Variants in TENM3 observed in about 807,000 individuals in gnomAD.
TENM3 encodes teneurin transmembrane protein 3.
A neutral mutation model predicts 255.1 loss-of-function variants in TENM3; 63 were observed. That is an observed-to-expected ratio of 0.25 (90% CI 0.20 to 0.30). TENM3 has a LOEUF of 0.30. TENM3 is among the 10% of genes least tolerant of loss of function. The pLI is 1.00. For synonymous variants in TENM3, 1,306 were observed against 1,322.3 expected (o/e 0.99, Z 0.27); for missense variants, 2,929 against 3,461.1 (o/e 0.85, Z 3.86).
At chr4:182,359,338 C>T (rs1399271598) in intron 3 of TENM3, among the ~76,000 whole-genome samples, 1 of 151,922 alleles carries the variant, frequency 6.6e-6, no homozygotes, top group East Asian at 1.9e-4. Flanking sequence ...GGCTGTGAAT[C>T]CATCTGGTCC....
rs1224871486 is a variant in TENM3, at chr4:182,799,153, C to T, written c.7345-443C>T. Among the ~76,000 whole-genome samples the T allele has an allele frequency of 6.6e-6, 1 of 152,132 alleles. No homozygotes were observed. Among genetic ancestry groups the T allele is most frequent in the African/African-American group, 2.4e-5 (1 of 41,424 alleles). ...GCATTTCAAAGCATACGAAGCGGGG[C>T]CCTGTGATCGGCACTAAGTATCCCC... On this transcript the variant is annotated intron_variant, in intron 27 of 27. Transcript: ENST00000511685. This position sits in a 1 kb window ranked among gnomAD's most constrained non-coding sequence, Gnocchi z 4.2.
intron 24 of TENM3, among the ~76,000 whole-genome samples, chr4:182,780,137 A>G (rs953063339): frequency 6.6e-6 from 1 of 152,142 alleles, no homozygotes; most frequent in Non-Finnish European, 1.5e-5. Flanking sequence ...GCGCATGCCT[A>G]TGTCCTGAAT....
At chr4:181,969,868 G>A in the TENM3 span, among the ~76,000 whole-genome samples, 18 of 152,254 alleles carry the variant, frequency 1.2e-4, 1 homozygote, top group East Asian at 1.7e-3. Flanking sequence ...ATTAAGAAAC[G>A]CAGTATTTAA....
the TENM3 span, among the ~76,000 whole-genome samples, chr4:181,823,763 AT>A: frequency 6.6e-6 from 1 of 152,308 alleles, no homozygotes; most frequent in South Asian, 2.1e-4. Flanking sequence ...GTAACAACAA[AT>A]TGAAATTATG....
At chr4:182,113,685 G>T in the TENM3 span, among the ~76,000 whole-genome samples, 2 of 152,122 alleles carry the variant, frequency 1.3e-5, no homozygotes, top group African/African-American at 4.8e-5. Flanking sequence ...ATGTGTGTGT[G>T]GTGGGAGAAG....
intron 24 of TENM3, among the ~76,000 whole-genome samples, chr4:182,786,670 C>G (rs1045814979): frequency 6.6e-6 from 1 of 152,006 alleles, no homozygotes; most frequent in Admixed American, 6.6e-5. Context: ...ATACTCCAAC[C>G]AGGGGAAATA....
At chr4:181,946,201 G>T in the TENM3 span, among the ~76,000 whole-genome samples, 24,478 of 151,972 alleles carry the variant, frequency 0.16, 2,439 homozygotes, top group African/African-American at 0.28. Flanking sequence ...GGAAGTAAAT[G>T]ACCAAGCCAC....
chr4:182,191,725 G>A (rs1308094838), intron 1 of TENM3, among the ~76,000 whole-genome samples: 1 of 152,094 alleles, frequency 6.6e-6, no homozygotes, highest in African/African-American at 2.4e-5. Context: ...AATACTCTTA[G>A]CATGTATCAG....
chr4:182,368,396 A>C (rs1190365911), intron 3 of TENM3, among the ~76,000 whole-genome samples: 1 of 152,220 alleles, frequency 6.6e-6, no homozygotes. Context: ...TGTCCTGACC[A>C]GTGGGCCCTT....
At chr4:182,096,859 A>G in the TENM3 span, among the ~76,000 whole-genome samples, 1 of 152,214 alleles carries the variant, frequency 6.6e-6, no homozygotes, top group African/African-American at 2.4e-5. Context: ...GCCCGAGTTC[A>G]TCAACCTAAT....
At chr4:182,514,417 G>T (rs914605267) in intron 3 of TENM3, among the ~76,000 whole-genome samples, 1 of 152,134 alleles carries the variant, frequency 6.6e-6, no homozygotes, top group African/African-American at 2.4e-5. Flanking sequence ...TAATAAATTC[G>T]ATTTGGAACC....
At chr4:182,656,930 A>G (rs1753805946) in intron 6 of TENM3, among the ~76,000 whole-genome samples, 1 of 152,184 alleles carries the variant, frequency 6.6e-6, no homozygotes, top group Admixed American at 6.5e-5. Flanking sequence ...TACAGATTTT[A>G]GAGATGAGTT....
At chr4:182,663,123 A>G (rs1295846514) in intron 6 of TENM3, among the ~76,000 whole-genome samples, 2 of 132,222 alleles carry the variant, frequency 1.5e-5, no homozygotes, top group African/African-American at 5.4e-5. Flanking sequence ...ACATTCTAAG[A>G]CTGTAATTCA....
At chr4:182,182,436 G>A (rs1219137988) in intron 1 of TENM3, among the ~76,000 whole-genome samples, 2 of 152,300 alleles carry the variant, frequency 1.3e-5, no homozygotes, top group East Asian at 3.9e-4. Context: ...GGATTTCTTG[G>A]TATCAGCAGA....
the TENM3 span, among the ~76,000 whole-genome samples, chr4:181,834,580 G>A: frequency 1.3e-5 from 2 of 152,178 alleles, no homozygotes; most frequent in Admixed American, 6.5e-5. Flanking sequence ...ACAAACTCAA[G>A]TTCCTGCCCT....
chr4:182,300,583 T>C (rs866406429), intron 1 of TENM3, among the ~76,000 whole-genome samples: 3 of 152,166 alleles, frequency 2.0e-5, no homozygotes, highest in Non-Finnish European at 4.4e-5. Flanking sequence ...GAGGTAGGGA[T>C]CCACTCCAGT....
the TENM3 span, among the ~76,000 whole-genome samples, chr4:181,634,206 G>T: frequency 6.6e-6 from 1 of 151,852 alleles, no homozygotes; most frequent in African/African-American, 2.4e-5. Flanking sequence ...CCCTTTTATC[G>T]TTCTTGGCCT....
At chr4:181,608,581 A>G in the TENM3 span, among the ~76,000 whole-genome samples, 3 of 141,352 alleles carry the variant, frequency 2.1e-5, no homozygotes, top group East Asian at 1.9e-4. Context: ...CTGGAAATTC[A>G]GGAAAATATT....
chr4:182,526,391 G>A (rs1739184797), intron 3 of TENM3, among the ~76,000 whole-genome samples: 1 of 152,002 alleles, frequency 6.6e-6, no homozygotes, highest in African/African-American at 2.4e-5. Flanking sequence ...CAGTAGTGCT[G>A]TACATAGTCT....
Sources: allele counts gnomAD v4.1 joint callset (sites outside exome capture counted in the v4.1 genomes callset), GRCh38; gene constraint gnomAD v4.1.1; non-coding constraint Gnocchi (gnomAD v3.1); transcripts MANE v1.5; gene names NCBI Gene and HGNC (gene_info 2026-07-23, HGNC 2026-07-21).